The following SOX6 variants were observed in gnomAD, a reference collection of about 807,000 sequenced individuals.
SOX6 encodes transcription factor SOX-6.
Under a neutral mutation model 97.8 loss-of-function variants are expected in SOX6, and 11 were observed. The ratio of observed to expected loss-of-function variants is 0.11; its 90% confidence interval spans 0.07 to 0.19. SOX6 has a LOEUF of 0.19. Among genes scored for constraint, SOX6 ranks in the 10% least tolerant of loss-of-function variants. SOX6 has a pLI of 1.00. For missense variants in SOX6, 810 were observed against 1,039.5 expected (o/e 0.78, Z 3.04); for synonymous variants, 360 against 371.4 (o/e 0.97, Z 0.35).
chr11:16,601,118 T>C (rs935068341), intron 4 of SOX6, among the ~76,000 whole-genome samples: 5 of 152,214 alleles, frequency 3.3e-5, no homozygotes, highest in African/African-American at 1.2e-4. Flanking sequence ...TTTCTTCCTC[T>C]AAACAGCAGT....
intron 3 of SOX6, among the ~76,000 whole-genome samples, chr11:16,299,680 A>G (rs921698970): frequency 6.6e-6 from 1 of 152,202 alleles, no homozygotes; most frequent in Non-Finnish European, 1.5e-5. Flanking sequence ...TATTAGACTA[A>G]GTAAACCTGA....
intron 3 of SOX6, among the ~76,000 whole-genome samples, chr11:16,274,870 C>A (rs931849554): frequency 6.6e-6 from 1 of 152,194 alleles, no homozygotes; most frequent in East Asian, 1.9e-4. Flanking sequence ...CAAATTCTCA[C>A]CTTATTATTA....
At chr11:16,021,999 G>A (rs1002463578) in intron 12 of SOX6, among the ~76,000 whole-genome samples, 2 of 152,058 alleles carry the variant, frequency 1.3e-5, no homozygotes, top group African/African-American at 4.8e-5. Context: ...ATATGTATTT[G>A]TACTGGGGTG....
rs930865990 is a variant in SOX6, at chr11:15,998,461, G to A, written c.1733-9231C>T. ...AAATGGAGGAATATACCATGTTCCT[G>A]AATCAGAAGACTCAATATTGTTACA... On this transcript the variant is annotated intron_variant, in intron 13 of 15. Transcript: ENST00000683767. 1.1e-4 allele frequency among the ~76,000 whole-genome samples: 10 copies of A among 91,632 alleles called. 1 individual carries two copies. The highest frequency in any genetic ancestry group is 2.6e-4 in the African/African-American group (9 of 34,804). The allele number at this position is 91,632 out of a possible 152,430, so 60.1% of individuals were successfully genotyped here.
chr11:16,492,919 C>A (rs1462140938), intron 4 of SOX6, among the ~76,000 whole-genome samples: 1 of 152,112 alleles, frequency 6.6e-6, no homozygotes, highest in East Asian at 1.9e-4. Context: ...TATGAGATGT[C>A]ACTTCATATC....
intron 1 of SOX6, among the ~76,000 whole-genome samples, chr11:16,353,001 G>A (rs1356301714): frequency 6.6e-6 from 1 of 151,996 alleles, no homozygotes; most frequent in African/African-American, 2.4e-5. Context: ...TTTGTTGGTT[G>A]TTAACTATCC....
At chr11:16,606,298 A>C (rs1290815009) in intron 4 of SOX6, among the ~76,000 whole-genome samples, 3 of 149,612 alleles carry the variant, frequency 2.0e-5, no homozygotes, top group Non-Finnish European at 4.4e-5. Context: ...TCAGTTTTTT[A>C]AAAGTTTCAG....
intron 2 of SOX6, among the ~76,000 whole-genome samples, chr11:16,320,832 A>G (rs909126947): frequency 1.3e-5 from 2 of 152,156 alleles, no homozygotes; most frequent in Non-Finnish European, 2.9e-5. Context: ...TTTTCTGCAT[A>G]CCCATTGCTA....
At chr11:16,177,762 A>T (rs1327422142) in intron 6 of SOX6, among the ~76,000 whole-genome samples, 1 of 151,734 alleles carries the variant, frequency 6.6e-6, no homozygotes, top group Non-Finnish European at 1.5e-5. Context: ...AATAGAAGAG[A>T]GACATTTTCC....
In SOX6 at chr11:15,967,970, G is replaced by A. The variant is rs1033580835; in HGVS notation, c.*4839C>T. ...TTCATGAGCTTTTGGAAAGCAATCTGTCCCCAAAGGGAAAGATAGAATGGG... is the reference window on the plus strand; with the variant it reads ...TTCATGAGCTTTTGGAAAGCAATCTATCCCCAAAGGGAAAGATAGAATGGG... On this transcript the variant is annotated 3_prime_UTR_variant, in exon 16 of 16. Coordinates refer to ENST00000683767, the MANE Select transcript of SOX6 (RefSeq NM_001367873.1). The A allele has an allele frequency of 1.5e-5, 2 of 129,814 alleles. No individual in the cohort carries two copies. Among genetic ancestry groups the A allele is most frequent in the Non-Finnish European group, 3.1e-5 (2 of 64,376 alleles). 8.0% of individuals were successfully genotyped at this position (129,814 alleles called of 1,614,324 possible). A position where few individuals can be genotyped will look rare whatever the true frequency, so the allele number is the denominator to read the frequency against.
intron 6 of SOX6, among the ~76,000 whole-genome samples, chr11:16,155,849 A>G (rs1381208194): frequency 6.6e-6 from 1 of 152,072 alleles, no homozygotes; most frequent in Non-Finnish European, 1.5e-5. Flanking sequence ...TTCATAGGCT[A>G]TACACTCCAA....
intron 1 of SOX6, among the ~76,000 whole-genome samples, chr11:16,447,766 CTG>C (rs1412529708): frequency 4.6e-5 from 7 of 152,112 alleles, no homozygotes; most frequent in African/African-American, 1.4e-4. Context: ...AGTTTTCAAA[CTG>C]TGTGTTGAAT....
intron 3 of SOX6, among the ~76,000 whole-genome samples, chr11:16,636,749 T>C (rs1306276453): frequency 6.6e-6 from 1 of 152,200 alleles, no homozygotes. Context: ...GCCTCCATGA[T>C]GTTCTCATGA....
chr11:16,225,764 T>A (rs1360778400), intron 4 of SOX6, among the ~76,000 whole-genome samples: 1 of 152,188 alleles, frequency 6.6e-6, no homozygotes, highest in African/African-American at 2.4e-5. Context: ...CCATGACTTT[T>A]GTGTTTCTGT....
At chr11:16,343,942 T>G (rs1856709567) in intron 1 of SOX6, among the ~76,000 whole-genome samples, 1 of 151,940 alleles carries the variant, frequency 6.6e-6, no homozygotes, top group African/African-American at 2.4e-5. Flanking sequence ...TGAGTGTTCA[T>G]TCTCAGTTCA....
Position 16,096,019 on chromosome 11 carries a change from A to G in SOX6, c.1078T>C (p.Ser360Pro). ...LDTFEHGGGHSYNHKQIEQLY... is the reference protein window; with the variant it reads ...LDTFEHGGGHPYNHKQIEQLY... ...ACCTCAATCTGTTTGTGGTTGTAAG[A>G]GTGGCCACCACCATGTTCAAAGGTG... Residue 360 changes from serine (S) to proline (P), a missense_variant, in exon 9 of 16, where the codon TCT (serine) becomes CCT (proline). Ser to Pro is a moderately conservative substitution (Grantham distance 74, BLOSUM62 -1). Around this residue, in one of 9 missense-constraint regions of SOX6, gnomAD observed 244 missense variants for 261.0 expected, o/e 0.93. Transcript: ENST00000683767. The G allele has an allele frequency of 1.2e-6, 2 of 1,611,370 alleles. No individual in the cohort carries two copies. Among genetic ancestry groups the G allele is most frequent in the Non-Finnish European group, 1.7e-6 (2 of 1,178,316 alleles).
At chr11:16,061,774 A>G (rs1037968407) in intron 9 of SOX6, among the ~76,000 whole-genome samples, 2 of 151,798 alleles carry the variant, frequency 1.3e-5, no homozygotes, top group African/African-American at 2.4e-5. Context: ...GACAAAATTG[A>G]TAAGAACATG....
At chr11:16,111,219 CACA>C (rs1205252711) in intron 7 of SOX6, among the ~76,000 whole-genome samples, 1 of 152,156 alleles carries the variant, frequency 6.6e-6, no homozygotes, top group African/African-American at 2.4e-5. Context: ...AAAGAAAAAT[CACA>C]ACATTTGCTA....
intron 1 of SOX6, among the ~76,000 whole-genome samples, chr11:16,382,690 T>C (rs1857861011): frequency 6.6e-6 from 1 of 151,944 alleles, no homozygotes; most frequent in Admixed American, 6.6e-5. Flanking sequence ...ATTCCTCACT[T>C]GAAGCTTGTG....
Sources: allele counts gnomAD v4.1 joint callset (sites outside exome capture counted in the v4.1 genomes callset), GRCh38; gene constraint gnomAD v4.1.1; regional missense constraint gnomAD v4.1.1; transcripts MANE v1.5; gene names NCBI Gene and HGNC (gene_info 2026-07-23, HGNC 2026-07-21).